Variants in RNF13 observed in about 807,000 individuals in gnomAD.
The protein encoded by RNF13 is ring finger protein 13, also known as E3 ubiquitin-protein ligase RNF13.
Under a neutral mutation model 37.7 loss-of-function variants are expected in RNF13, and 19 were observed. The ratio of observed to expected loss-of-function variants is 0.50; its 90% CI spans 0.35 to 0.74. The LOEUF is 0.74. RNF13 is among the 30% of genes least tolerant of loss of function. RNF13 has a pLI of 0.01. For synonymous variants in RNF13, 144 were observed against 157.8 expected (o/e 0.91, Z 0.65); for missense variants, 375 against 453.0 (o/e 0.83, Z 1.56).
chr3:149,868,048 A>G (rs1383149741), intron 3 of RNF13, among the ~76,000 whole-genome samples: 1 of 151,956 alleles, frequency 6.6e-6, no homozygotes, highest in African/African-American at 2.4e-5. Context: ...AGGAAAATGA[A>G]AAAAAATCTT....
chr3:149,886,132 G>C (rs185736811), intron 4 of RNF13, among the ~76,000 whole-genome samples: 4 of 152,138 alleles, frequency 2.6e-5, no homozygotes, highest in Non-Finnish European at 4.4e-5. Context: ...GGTTACTATA[G>C]CTGTGTAGTA....
intron 4 of RNF13, among the ~76,000 whole-genome samples, chr3:149,890,839 G>T (rs910472885): frequency 1.3e-5 from 2 of 152,062 alleles, no homozygotes; most frequent in African/African-American, 4.8e-5. Flanking sequence ...TTTTATTGAG[G>T]TGTAATTCAA....
chr3:149,901,101 G>A (rs1715785491), intron 5 of RNF13, among the ~76,000 whole-genome samples: 1 of 152,138 alleles, frequency 6.6e-6, no homozygotes, highest in Non-Finnish European at 1.5e-5. Context: ...ATAATTGTAT[G>A]TATTTGTCAC....
At chr3:149,820,627 A>C (rs1021317244) in intron 1 of RNF13, among the ~76,000 whole-genome samples, 2 of 152,222 alleles carry the variant, frequency 1.3e-5, no homozygotes, top group African/African-American at 4.8e-5. Flanking sequence ...TGGATTATAA[A>C]TGTTAATTGC....
chr3:149,895,592 G>T, intron 5 of RNF13, 32 bp downstream of exon 5: 2 of 1,325,726 alleles, frequency 1.5e-6, no homozygotes, highest in Non-Finnish European at 2.1e-6. Flanking sequence ...CTTCTCTCCT[G>T]TTTGACAGAT....
chr3:149,904,451 A>G (rs1177676371), intron 6 of RNF13, among the ~76,000 whole-genome samples: 3 of 151,766 alleles, frequency 2.0e-5, no homozygotes, highest in Non-Finnish European at 4.4e-5. Context: ...CATGGTCTCA[A>G]CTCACTGCAA....
intron 3 of RNF13, among the ~76,000 whole-genome samples, chr3:149,862,148 A>G (rs1576782306): frequency 6.6e-6 from 1 of 152,082 alleles, no homozygotes; most frequent in Admixed American, 6.5e-5. Context: ...CATTCATATC[A>G]TCATTCAAAA....
intron 8 of RNF13, chr3:149,939,197 CTGAT>C (rs1720002245): frequency 1.9e-6 from 1 of 515,828 alleles, no homozygotes; most frequent in African/African-American, 2.0e-5. Context: ...CTTTTCCATT[CTGAT>C]TTGACTTCTG....
chr3:149,947,503 TA>T (rs1414517368), intron 8 of RNF13, among the ~76,000 whole-genome samples: 2 of 151,928 alleles, frequency 1.3e-5, no homozygotes, highest in African/African-American at 4.8e-5. Context: ...CCGCTGGGCT[TA>T]AGCGATTCTT....
chr3:149,929,055 C>CCA (rs1718926119), intron 8 of RNF13, among the ~76,000 whole-genome samples: 1 of 152,094 alleles, frequency 6.6e-6, no homozygotes, highest in African/African-American at 2.4e-5. Context: ...TTGTATATAG[C>CCA]TCTGGTAGCT....
intron 3 of RNF13, among the ~76,000 whole-genome samples, chr3:149,860,300 T>TATATATATATATATATAA (rs1467450547): frequency 3.9e-4 from 50 of 128,676 alleles, no homozygotes; most frequent in South Asian, 7.5e-4. Context: ...TATATATATA[T>TATATATATATATATATAA]AACGTGTATA....
chr3:149,851,265 G>C (rs1200530535), intron 2 of RNF13: 1 of 152,228 alleles, frequency 6.6e-6, no homozygotes, highest in Non-Finnish European at 1.5e-5. Flanking sequence ...ACCAGGACCT[G>C]AGTTGACGGT....
At chr3:149,870,351 G>GC (rs2108438535) in intron 3 of RNF13, among the ~76,000 whole-genome samples, 1 of 151,392 alleles carries the variant, frequency 6.6e-6, no homozygotes, top group Non-Finnish European at 1.5e-5. Flanking sequence ...TCTGCTGGGA[G>GC]TTTTTTTTAC....
At chr3:149,903,785 G>T (rs1219941422) in intron 6 of RNF13, among the ~76,000 whole-genome samples, 1 of 152,068 alleles carries the variant, frequency 6.6e-6, no homozygotes, top group Admixed American at 6.5e-5. Flanking sequence ...ATAAATATAT[G>T]GCTATTTTTT....
intron 8 of RNF13, chr3:149,939,839 A>T: frequency 5.9e-6 from 3 of 510,730 alleles, no homozygotes; most frequent in South Asian, 4.7e-5. Flanking sequence ...AGGTGGACAG[A>T]GATAAACGAC....
At chr3:149,933,843 C>T (rs1719422621) in intron 8 of RNF13, among the ~76,000 whole-genome samples, 1 of 152,160 alleles carries the variant, frequency 6.6e-6, no homozygotes, top group African/African-American at 2.4e-5. Flanking sequence ...CTCAGCCTCC[C>T]AAAGTGTTAG....
chr3:149,824,390 G>A (rs992189297), intron 1 of RNF13, among the ~76,000 whole-genome samples: 2 of 152,224 alleles, frequency 1.3e-5, no homozygotes, highest in African/African-American at 4.8e-5. Context: ...AATCACAAGT[G>A]TCCTTAAAAA....
At chr3:149,960,702 C>T (rs1576612401) in intron 9 of RNF13, 38 bp from the exon 10 acceptor site, 1 of 1,551,092 alleles carries the variant, frequency 6.4e-7, no homozygotes, top group Non-Finnish European at 8.7e-7. Flanking sequence ...GTATCAACCG[C>T]AGCATACTAA....
At chr3:149,839,690 A>G (rs1206401785) in intron 1 of RNF13, among the ~76,000 whole-genome samples, 3 of 151,824 alleles carry the variant, frequency 2.0e-5, no homozygotes, top group Non-Finnish European at 3.0e-5. Flanking sequence ...ACACCTGGGA[A>G]TTCAAGATGT....
Sources: allele counts gnomAD v4.1 joint callset (sites outside exome capture counted in the v4.1 genomes callset), GRCh38; gene constraint gnomAD v4.1.1; transcripts MANE v1.5; gene names NCBI Gene and HGNC (gene_info 2026-07-23, HGNC 2026-07-21).